The following TCF20 variants were observed in gnomAD, a reference collection of about 807,000 sequenced individuals.
TCF20 encodes SPRE-binding protein.
Under a neutral mutation model 148.6 loss-of-function variants are expected in TCF20, and 3 were observed. That is an observed-to-expected ratio of 0.02 (90% CI 0.01 to 0.05). The LOEUF is 0.05. TCF20 is among the 10% of genes least tolerant of loss of function. The pLI is 1.00. For synonymous variants in TCF20, 1,049 were observed against 909.5 expected (o/e 1.15, Z -2.76); for missense variants, 2,350 against 2,429.3 (o/e 0.97, Z 0.69).
At chr22:42,196,080 G>A (rs1430619622) in intron 2 of TCF20, among the ~76,000 whole-genome samples, 11 of 152,220 alleles carry the variant, frequency 7.2e-5, no homozygotes, top group Admixed American at 6.5e-4. Flanking sequence ...GGAGGCATAG[G>A]CTCTGAATAC....
intron 1 of TCF20, among the ~76,000 whole-genome samples, chr22:42,306,667 C>A (rs762999): frequency 7.9e-5 from 12 of 151,986 alleles, no homozygotes; most frequent in African/African-American, 2.4e-4. Flanking sequence ...CAGGAGCCCC[C>A]ATGCCACTGG....
chr22:42,320,864 T>C (rs894258807), intron 1 of TCF20, among the ~76,000 whole-genome samples: 10 of 152,202 alleles, frequency 6.6e-5, no homozygotes, highest in African/African-American at 2.4e-4. Context: ...ATGCCTCTCA[T>C]GAGGGACCCA....
At chr22:42,311,554 C>A (rs1236065305) in intron 1 of TCF20, among the ~76,000 whole-genome samples, 20 of 152,190 alleles carry the variant, frequency 1.3e-4, no homozygotes. Flanking sequence ...GGGGCCACAC[C>A]ACCATCATAC....
chr22:42,197,294 TATC>T (rs1488466209), intron 2 of TCF20, among the ~76,000 whole-genome samples: 1 of 151,978 alleles, frequency 6.6e-6, no homozygotes, highest in Admixed American at 6.6e-5. Context: ...TACAGTCCTC[TATC>T]ATCATCTAAT....
At chr22:42,201,830 C>T (rs17002872) in intron 2 of TCF20, among the ~76,000 whole-genome samples, 2 of 151,964 alleles carry the variant, frequency 1.3e-5, no homozygotes, top group African/African-American at 2.4e-5. Context: ...TCTTTTCTTT[C>T]GCTTTAGATA....
intron 1 of TCF20, among the ~76,000 whole-genome samples, chr22:42,296,679 C>G (rs1569203539): frequency 1.3e-5 from 2 of 152,236 alleles, no homozygotes; most frequent in Non-Finnish European, 1.5e-5. Flanking sequence ...CACCCCCAAA[C>G]AGGGCTCCAG....
Position 42,213,848 on chromosome 22 carries a change from G to C in TCF20, c.1458C>G (p.Ser486=), listed in dbSNP as rs141418311. The C allele has an allele frequency of 1.9e-6, 3 of 1,614,064 alleles. No individual in the cohort carries two copies. In the African/African-American group the frequency reaches 4.0e-5, roughly 22 times the overall value. ...SDALTPQKKT[S]KRPSSSKKAD... ...CTTTCTTGGAAGATGAGGGCCTCTTGGAGGTCTTCTTCTGAGGAGTCAGGG... is the reference window on the plus strand; with the variant it reads ...CTTTCTTGGAAGATGAGGGCCTCTTCGAGGTCTTCTTCTGAGGAGTCAGGG... Residue 486 remains serine, a synonymous_variant, in exon 2 of 6, where the codon TCC becomes TCG. Coordinates refer to ENST00000677622, the MANE Select transcript of TCF20 (RefSeq NM_001378418.1).
In TCF20 at chr22:42,204,580, C is replaced by G. The variant is rs532378766; in HGVS notation, c.5655+5071G>C. ...AGAAAATTGGCCAGGCACAGTGGCTCAGGCCTGTAATCCCAGCACTTTGGG... is the reference window on the plus strand; with the variant it reads ...AGAAAATTGGCCAGGCACAGTGGCTGAGGCCTGTAATCCCAGCACTTTGGG... On this transcript the variant is annotated intron_variant, in intron 2 of 5. Coordinates refer to ENST00000677622, the MANE Select transcript of TCF20 (RefSeq NM_001378418.1). 3.3e-5 allele frequency among the ~76,000 whole-genome samples: 5 copies of G among 152,306 alleles called. No homozygotes were observed. The South Asian group carries it at 1.0e-3, about 32-fold the overall frequency.
chr22:42,309,891 A>G (rs1927502578), intron 1 of TCF20, among the ~76,000 whole-genome samples: 1 of 152,182 alleles, frequency 6.6e-6, no homozygotes, highest in African/African-American at 2.4e-5. Context: ...TGCTTCTGTC[A>G]TCATCGCCAT....
intron 1 of TCF20, among the ~76,000 whole-genome samples, chr22:42,231,870 A>C (rs144637144): frequency 1.1e-3 from 161 of 149,242 alleles, no homozygotes; most frequent in African/African-American, 3.9e-3. Flanking sequence ...CGGAGCTTGC[A>C]GTGAGCCAAG....
chr22:42,307,089 G>A (rs1417836606), intron 1 of TCF20, among the ~76,000 whole-genome samples: 6 of 151,792 alleles, frequency 4.0e-5, no homozygotes, highest in African/African-American at 1.2e-4. Context: ...AGCCAGGGCC[G>A]GGCACCAACC....
chr22:42,284,871 G>A (rs117562840), upstream of TCF20, among the ~76,000 whole-genome samples: 1,100 of 152,324 alleles, frequency 7.2e-3, 3 homozygotes, highest in Non-Finnish European at 0.012. Flanking sequence ...CCAACGCCCC[G>A]TGTCAAGATG....
intron 2 of TCF20, among the ~76,000 whole-genome samples, chr22:42,194,836 G>C (rs1219661930): frequency 6.6e-6 from 1 of 151,810 alleles, no homozygotes; most frequent in Non-Finnish European, 1.5e-5. Flanking sequence ...ACATGGGGAG[G>C]GCAGGCCTCT....
rs974027635 is a variant in TCF20 at position 42,188,015 on chromosome 22, C to T, written c.5656-8313G>A. 3.9e-5 allele frequency among the ~76,000 whole-genome samples: 6 copies of T among 151,954 alleles called. 1 individual carries two copies. Among genetic ancestry groups the T allele is most frequent in the Admixed American group, 6.6e-5 (1 of 15,244 alleles). On this transcript the variant is annotated intron_variant, in intron 2 of 5. Coordinates refer to ENST00000677622, the MANE Select transcript of TCF20 (RefSeq NM_001378418.1). ...CTTTAAAAAATCCAGATTCTCAGGC[C>T]GGGCATGGTGGCTCACGCCTGTAAT...
chr22:42,164,382 T>C lies in TCF20; in HGVS notation c.*45-3024A>G, dbSNP rs529159835. On this transcript the variant is annotated intron_variant, in intron 5 of 5. Transcript: ENST00000677622. Reference sequence around the variant, plus strand: ...GGCGCCCACCACCACGCCCGGCTAATTTTTTGTATTTTTAGTATTTTAGTG... The same window carrying C: ...GGCGCCCACCACCACGCCCGGCTAACTTTTTGTATTTTTAGTATTTTAGTG... Among the ~76,000 whole-genome samples the C allele has an allele frequency of 4.1e-4, 63 of 152,078 alleles. 1 individual carries two copies. The highest frequency in any genetic ancestry group is 5.6e-4 in the Non-Finnish European group (38 of 67,942).
intron 1 of TCF20, among the ~76,000 whole-genome samples, chr22:42,324,058 GTGA>G (rs781307524): frequency 0.056 from 4,699 of 83,694 alleles, 62 homozygotes; most frequent in Non-Finnish European, 0.083. Context: ...GGTGGTGGTG[GTGA>G]TGGAGGTTAT....
chr22:42,205,835 C>A (rs1319211143), intron 2 of TCF20, among the ~76,000 whole-genome samples: 3 of 152,146 alleles, frequency 2.0e-5, no homozygotes, highest in Non-Finnish European at 2.9e-5. Flanking sequence ...GCAGTGGCAC[C>A]ATCTTGGCTC....
chr22:42,171,568 T>TA (rs1936134512), intron 3 of TCF20, among the ~76,000 whole-genome samples: 1 of 152,144 alleles, frequency 6.6e-6, no homozygotes, highest in East Asian at 1.9e-4. Context: ...CTCAGCAACT[T>TA]ACTACTAACC....
intron 1 of TCF20, among the ~76,000 whole-genome samples, chr22:42,280,256 AC>A (rs1225779765): frequency 1.3e-5 from 2 of 152,222 alleles, no homozygotes; most frequent in Admixed American, 1.3e-4. Flanking sequence ...TCCGCCTCAC[AC>A]AGCTAGGGAA....
Sources: allele counts gnomAD v4.1 joint callset (sites outside exome capture counted in the v4.1 genomes callset), GRCh38; gene constraint gnomAD v4.1.1; transcripts MANE v1.5; gene names NCBI Gene and HGNC (gene_info 2026-07-23, HGNC 2026-07-21).